Variants in ZNG1A observed in about 807,000 individuals in gnomAD.
The protein encoded by ZNG1A is zinc-regulated GTPase metalloprotein activator 1A.
chr9:127,691 G>A, the ZNG1A span, among the ~76,000 whole-genome samples: 3 of 152,164 alleles, frequency 2.0e-5, no homozygotes, highest in South Asian at 6.2e-4. Flanking sequence ...TGTTAGTATT[G>A]AGATGTGAGG....
chr9:120,944 A>C, the ZNG1A span: 1 of 163,028 alleles, frequency 6.1e-6, no homozygotes, highest in Non-Finnish European at 1.3e-5. Flanking sequence ...CCTTCCAAAG[A>C]GCACAGTATG....
chr9:137,555 T>A, the ZNG1A span, among the ~76,000 whole-genome samples: 1 of 152,036 alleles, frequency 6.6e-6, no homozygotes, highest in Non-Finnish European at 1.5e-5. Context: ...ACAGCACTGA[T>A]AGTCAAATGA....
the ZNG1A span, among the ~76,000 whole-genome samples, chr9:128,602 T>C: frequency 7.1e-6 from 1 of 140,422 alleles, no homozygotes; most frequent in Non-Finnish European, 1.5e-5. Flanking sequence ...TTTTTTTTTA[T>C]ATATCTTTAC....
At chr9:123,832 T>G in the ZNG1A span, 1 of 182,362 alleles carries the variant, frequency 5.5e-6, no homozygotes, top group Non-Finnish European at 1.2e-5. Context: ...CTGAGTCACC[T>G]CATTTTATCT....
chr9:136,166 C>A, the ZNG1A span, among the ~76,000 whole-genome samples: 2 of 70,448 alleles, frequency 2.8e-5, no homozygotes, highest in African/African-American at 8.9e-5. Flanking sequence ...GAATTTCATG[C>A]CCTCGATTTT....
At chr9:138,684 A>C in the ZNG1A span, among the ~76,000 whole-genome samples, 1 of 145,074 alleles carries the variant, frequency 6.9e-6, no homozygotes, top group East Asian at 2.0e-4. Context: ...GGATCACTTG[A>C]GCCCAGGAGT....
the ZNG1A span, chr9:156,629 A>G: frequency 2.9e-5 from 37 of 1,258,200 alleles, no homozygotes; most frequent in Admixed American, 6.6e-4. Context: ...CATCTAATAA[A>G]AACTTCAACA....
the ZNG1A span, among the ~76,000 whole-genome samples, chr9:140,453 G>C: frequency 0.53 from 76,027 of 144,054 alleles, 20,553 homozygotes; most frequent in African/African-American, 0.69. Context: ...GCTGAAGGTC[G>C]TGTCTGTTAG....
chr9:136,808 T>C, the ZNG1A span, among the ~76,000 whole-genome samples: 3 of 151,878 alleles, frequency 2.0e-5, no homozygotes, highest in East Asian at 1.9e-4. Context: ...AGAGGCCAAG[T>C]AGGAGAATCA....
At chr9:158,515 G>C in the ZNG1A span, among the ~76,000 whole-genome samples, 15 of 150,172 alleles carry the variant, frequency 1.0e-4, no homozygotes, top group African/African-American at 3.5e-4. Context: ...AAAATGATAT[G>C]ACAGAAGAAT....
At chr9:173,514 T>C in the ZNG1A span, 1 of 1,468,224 alleles carries the variant, frequency 6.8e-7, no homozygotes, top group East Asian at 2.4e-5. Context: ...AGCCTCGATA[T>C]CTAAATTACA....
the ZNG1A span, chr9:167,182 C>G: frequency 6.6e-6 from 1 of 151,136 alleles, no homozygotes; most frequent in Admixed American, 6.6e-5. Context: ...AATAATAAAA[C>G]AGGGACCACA....
the ZNG1A span, among the ~76,000 whole-genome samples, chr9:168,242 T>C: frequency 2.2e-5 from 3 of 139,522 alleles, no homozygotes; most frequent in African/African-American, 6.0e-5. Context: ...AGCAACAGAC[T>C]TATTTTTTAT....
the ZNG1A span, among the ~76,000 whole-genome samples, chr9:177,098 G>A: frequency 6.6e-6 from 1 of 152,178 alleles, no homozygotes; most frequent in African/African-American, 2.4e-5. Flanking sequence ...AGGAGTCACA[G>A]TAAAAAAGTA....
chr9:139,432 G>T, the ZNG1A span, among the ~76,000 whole-genome samples: 1 of 149,444 alleles, frequency 6.7e-6, no homozygotes, highest in Non-Finnish European at 1.5e-5. Flanking sequence ...ACATTCCAGA[G>T]ATCTGCTGCA....
the ZNG1A span, chr9:161,667 G>C: frequency 8.1e-7 from 1 of 1,236,606 alleles, no homozygotes. Context: ...GGGAAGTTGA[G>C]AAACATCATT....
chr9:129,538 T>C, the ZNG1A span, among the ~76,000 whole-genome samples: 153 of 150,010 alleles, frequency 1.0e-3, 4 homozygotes, highest in Non-Finnish European at 2.7e-4. Flanking sequence ...CTTGAGGACA[T>C]TACACTAAGT....
the ZNG1A span, among the ~76,000 whole-genome samples, chr9:155,478 CTTT>C: frequency 2.6e-5 from 4 of 151,960 alleles, no homozygotes; most frequent in African/African-American, 4.8e-5. Flanking sequence ...CAAATGTCTT[CTTT>C]ATCACTATAA....
At chr9:135,783 C>G in the ZNG1A span, among the ~76,000 whole-genome samples, 8 of 116,322 alleles carry the variant, frequency 6.9e-5, no homozygotes, top group African/African-American at 3.2e-4. Context: ...CTTGTAGGAA[C>G]TATTGGAGGG....
Sources: gnomAD v4.1 joint callset for allele counts (sites outside exome capture counted in the v4.1 genomes callset) on GRCh38, gnomAD v4.1.1 for gene constraint, MANE v1.5 for transcripts, NCBI Gene and HGNC (gene_info 2026-07-23, HGNC 2026-07-21) for gene names.